Variants in MCTP1 observed in about 807,000 individuals in gnomAD.
MCTP1 encodes the protein multiple C2 and transmembrane domain containing 1, also known as multiple C2 and transmembrane domain-containing protein 1.
MCTP1 carries 69 observed loss-of-function variants against 120.6 expected under a neutral mutation model. That is an observed-to-expected ratio of 0.57 (90% confidence interval 0.47 to 0.70). MCTP1 has a LOEUF of 0.70. MCTP1 is among the 30% of genes least tolerant of loss of function. The pLI, the probability that MCTP1 is intolerant of heterozygous loss-of-function variation, is 0.00. For missense variants in MCTP1, 1,203 were observed against 1,248.8 expected (o/e 0.96, Z 0.55); for synonymous variants, 529 against 493.1 (o/e 1.07, Z -0.96).
chr5:95,138,759 T>C (rs1441126356), intron 1 of MCTP1, among the ~76,000 whole-genome samples: 1 of 152,214 alleles, frequency 6.6e-6, no homozygotes, highest in Non-Finnish European at 1.5e-5. Context: ...TATTATCTTC[T>C]TTATCTTTTC....
At chr5:94,729,492 G>A (rs945730817) in intron 19 of MCTP1, among the ~76,000 whole-genome samples, 3 of 152,308 alleles carry the variant, frequency 2.0e-5, no homozygotes, top group Middle Eastern at 3.4e-3. Flanking sequence ...GAGAATGAGA[G>A]AAGAGAATTG....
intron 17 of MCTP1, among the ~76,000 whole-genome samples, chr5:94,805,672 C>T (rs1782121794): frequency 6.6e-6 from 1 of 151,628 alleles, no homozygotes; most frequent in South Asian, 2.1e-4. Flanking sequence ...TATCTTATAT[C>T]ATATCATATT....
chr5:95,123,713 G>A (rs1033715861), intron 1 of MCTP1, among the ~76,000 whole-genome samples: 12 of 150,424 alleles, frequency 8.0e-5, no homozygotes, highest in Admixed American at 1.3e-4. Context: ...GCAGTGGCAC[G>A]ATCTCGGCTC....
intron 6 of MCTP1, among the ~76,000 whole-genome samples, chr5:94,926,543 T>G (rs1813172127): frequency 6.6e-6 from 1 of 152,188 alleles, no homozygotes; most frequent in Non-Finnish European, 1.5e-5. Context: ...AACCAGGGCT[T>G]TGGAGCCAGG....
intron 1 of MCTP1, among the ~76,000 whole-genome samples, chr5:95,124,385 C>A (rs1056888002): frequency 7.9e-5 from 12 of 152,174 alleles, no homozygotes; most frequent in African/African-American, 2.9e-4. Flanking sequence ...GAAAAAGGCA[C>A]TTTATAAATG....
At chr5:94,980,380 T>A (rs575477258) in intron 2 of MCTP1, among the ~76,000 whole-genome samples, 209 of 152,234 alleles carry the variant, frequency 1.4e-3, no homozygotes, top group Non-Finnish European at 2.7e-3. Context: ...ATACAAAAAT[T>A]CTAGTTACAA....
At chr5:95,238,303 C>T (rs1017056823) in intron 1 of MCTP1, among the ~76,000 whole-genome samples, 32 of 152,072 alleles carry the variant, frequency 2.1e-4, no homozygotes, top group Admixed American at 1.6e-3. Context: ...TCATTAAATA[C>T]GTGAATCTTT....
intron 1 of MCTP1, among the ~76,000 whole-genome samples, chr5:95,230,275 A>G (rs2152645633): frequency 6.6e-6 from 1 of 151,776 alleles, no homozygotes; most frequent in East Asian, 1.9e-4. Flanking sequence ...ATATATATAT[A>G]ATTTAACCCT....
At chr5:94,891,855 C>A (rs1415639653) in intron 11 of MCTP1, among the ~76,000 whole-genome samples, 1 of 152,104 alleles carries the variant, frequency 6.6e-6, no homozygotes, top group Non-Finnish European at 1.5e-5. Context: ...TTGCTATTTA[C>A]GGTTATTTTA....
chr5:95,041,501 C>T (rs1172917637), intron 1 of MCTP1, among the ~76,000 whole-genome samples: 1 of 151,976 alleles, frequency 6.6e-6, no homozygotes, highest in Non-Finnish European at 1.5e-5. Flanking sequence ...TTTTTAAACA[C>T]ACATCGATCT....
intron 5 of MCTP1, among the ~76,000 whole-genome samples, chr5:94,935,465 A>G (rs754478094): frequency 1.1e-4 from 17 of 152,054 alleles, no homozygotes; most frequent in Non-Finnish European, 2.4e-4. Flanking sequence ...CTCTACTTCC[A>G]GTTATTCATT....
At chr5:95,146,470 T>C (rs1277736829) in intron 1 of MCTP1, among the ~76,000 whole-genome samples, 3 of 152,194 alleles carry the variant, frequency 2.0e-5, no homozygotes, top group Non-Finnish European at 4.4e-5. Flanking sequence ...GTAAGTACTA[T>C]GGTGGGTAAT....
At chr5:94,850,305 T>A (rs1263134400) in intron 17 of MCTP1, among the ~76,000 whole-genome samples, 1 of 152,122 alleles carries the variant, frequency 6.6e-6, no homozygotes, top group African/African-American at 2.4e-5. Flanking sequence ...AAAAACTGCA[T>A]AAGTAATCGG....
At chr5:95,257,812 C>CACACACACACACACAT (rs2152710443) in intron 1 of MCTP1, among the ~76,000 whole-genome samples, 2 of 151,910 alleles carry the variant, frequency 1.3e-5, no homozygotes, top group South Asian at 2.1e-4. Context: ...CACACACACA[C>CACACACACACACACAT]ACACACACAC....
intron 11 of MCTP1, among the ~76,000 whole-genome samples, 173 bp from the exon 12 acceptor site, chr5:94,889,145 T>C (rs1801976215): frequency 6.6e-6 from 1 of 152,134 alleles, no homozygotes; most frequent in African/African-American, 2.4e-5. Context: ...GTTTTGGAAA[T>C]TGCATGTGCT....
At chr5:95,069,410 C>G (rs1414404791) in intron 1 of MCTP1, among the ~76,000 whole-genome samples, 1 of 150,986 alleles carries the variant, frequency 6.6e-6, no homozygotes, top group Non-Finnish European at 1.5e-5. Flanking sequence ...TTACAAGCAC[C>G]TTTCCTTTGT....
At chr5:95,213,594 C>T (rs377618438) in intron 1 of MCTP1, among the ~76,000 whole-genome samples, 28 of 150,154 alleles carry the variant, frequency 1.9e-4, no homozygotes, top group African/African-American at 9.8e-5. Context: ...GGAGGCATCA[C>T]ACTACCTGAC....
intron 1 of MCTP1, among the ~76,000 whole-genome samples, chr5:95,083,656 G>T (rs1178115020): frequency 6.6e-6 from 1 of 152,146 alleles, no homozygotes; most frequent in African/African-American, 2.4e-5. Flanking sequence ...GTCTAAAAGA[G>T]GTTGCCTAAA....
At position 95,192,436 on chromosome 5, in the gene MCTP1, GA is replaced by G. The variant is rs528004505; in HGVS notation, c.720+91419del. Among the ~76,000 whole-genome samples the G allele has an allele frequency of 1.5e-3, 234 of 151,944 alleles. 1 individual carries two copies. The highest frequency in any genetic ancestry group is 5.2e-3 in the African/African-American group (214 of 41,518). ...TATATAACTATATTAGTCTCTTTTT[GA>G]ACAAATTTGTTTTATTTTCTGTGCC... On this transcript the variant is annotated intron_variant, in intron 1 of 22. Transcript: ENST00000515393.
Sources: allele counts gnomAD v4.1 joint callset (sites outside exome capture counted in the v4.1 genomes callset), GRCh38; gene constraint gnomAD v4.1.1; transcripts MANE v1.5; gene names NCBI Gene and HGNC (gene_info 2026-07-23, HGNC 2026-07-21).